Variants in CDH4 observed in about 807,000 individuals in gnomAD.
CDH4 encodes cadherin 4, also known as cadherin-4.
Under a neutral mutation model 86.0 loss-of-function variants are expected in CDH4, and 33 were observed. The observed-to-expected ratio is 0.38, with a 90% confidence interval of 0.29 to 0.51. The LOEUF (loss-of-function observed/expected upper bound fraction) is 0.51. Among genes scored for constraint, CDH4 ranks in the 20% least tolerant of loss-of-function variants. CDH4 has a pLI of 0.86. For synonymous variants in CDH4, 555 were observed against 549.4 expected, an observed-to-expected ratio of 1.01 and a Z score of -0.14; for missense variants, 1,114 against 1,307.4, an observed-to-expected ratio of 0.85 and a Z score of 2.28.
intron 2 of CDH4, chr20:61,738,617 T>TG (rs1056645319): frequency 6.6e-6 from 1 of 152,336 alleles, no homozygotes; most frequent in African/African-American, 2.4e-5. Context: ...AGGCACGGCC[T>TG]GGGGTCCAGT....
At chr20:61,416,969 C>T (rs60560959) in intron 2 of CDH4, among the ~76,000 whole-genome samples, 1 of 152,042 alleles carries the variant, frequency 6.6e-6, no homozygotes, top group East Asian at 1.9e-4. Flanking sequence ...GGGGGTTCTT[C>T]CAATTGCTGG....
chr20:61,462,042 G>C (rs377049785), intron 2 of CDH4, among the ~76,000 whole-genome samples: 1 of 152,164 alleles, frequency 6.6e-6, no homozygotes, highest in Non-Finnish European at 1.5e-5. Flanking sequence ...CGGCAGTAAG[G>C]CTTCTTGACA....
chr20:61,332,097 C>T (rs948268339), intron 2 of CDH4, among the ~76,000 whole-genome samples: 9 of 152,178 alleles, frequency 5.9e-5, no homozygotes, highest in African/African-American at 1.9e-4. Flanking sequence ...CACAGACACT[C>T]GACAGCGATG....
At chr20:61,313,215 C>G (rs919200621) in intron 2 of CDH4, among the ~76,000 whole-genome samples, 2 of 152,134 alleles carry the variant, frequency 1.3e-5, no homozygotes, top group South Asian at 4.1e-4. Context: ...TGGCTTAGCC[C>G]GAGTGTCTGA....
chr20:61,538,340 C>G (rs2086013464), intron 2 of CDH4, among the ~76,000 whole-genome samples: 1 of 152,138 alleles, frequency 6.6e-6, no homozygotes. Context: ...GGCTGGTGCA[C>G]CAGAGATTGG....
At chr20:61,445,982 A>G (rs895633043) in intron 2 of CDH4, among the ~76,000 whole-genome samples, 1 of 152,222 alleles carries the variant, frequency 6.6e-6, no homozygotes, top group African/African-American at 2.4e-5. Flanking sequence ...GCAGTTGGTT[A>G]CAGTGTAGCA....
Position 61,684,872 on chromosome 20 carries a change from ACT to A in CDH4, c.170-58688_170-58687del, listed in dbSNP as rs1010553447. On this transcript the variant is annotated intron_variant, in intron 2 of 15. Coordinates refer to ENST00000614565, the MANE Select transcript of CDH4 (RefSeq NM_001794.5). The surrounding 1 kb of genome is among the most constrained non-coding windows in gnomAD (Gnocchi z 4.5). ...ACAATTCATCTGTAAATATTTGCTC[ACT>A]CTATTTCTAACCACGTTATTAAGAT... is the stretch of plus-strand genomic sequence containing the variant. 8.6e-5 allele frequency among the ~76,000 whole-genome samples: 13 copies of A among 151,924 alleles called. No homozygotes were observed. The highest frequency in any genetic ancestry group is 1.9e-4 in the Non-Finnish European group (13 of 67,960).
chr20:61,634,106 T>C (rs962544811), intron 2 of CDH4, among the ~76,000 whole-genome samples: 1 of 152,164 alleles, frequency 6.6e-6, no homozygotes, highest in Non-Finnish European at 1.5e-5. Context: ...ATTTACCTGA[T>C]CCAACTCAGT....
chr20:61,853,839 G>T (rs912490095), intron 6 of CDH4, among the ~76,000 whole-genome samples: 3 of 152,134 alleles, frequency 2.0e-5, no homozygotes, highest in Non-Finnish European at 1.5e-5. Context: ...GGTGGAGAGG[G>T]GTCCTCTTTG....
chr20:61,604,155 C>T (rs769191401), intron 2 of CDH4, among the ~76,000 whole-genome samples: 5 of 152,182 alleles, frequency 3.3e-5, no homozygotes, highest in South Asian at 2.1e-4. Flanking sequence ...GTTTCCTTCC[C>T]GATTAGCTTT....
intron 2 of CDH4, among the ~76,000 whole-genome samples, chr20:61,302,861 C>A (rs2084393528): frequency 6.6e-6 from 1 of 152,174 alleles, no homozygotes; most frequent in Admixed American, 6.5e-5. Context: ...CCCAAGGTCC[C>A]TTCCAAAAGG....
At chr20:61,692,237 ATGTATGTGTG>A (rs71988080) in intron 2 of CDH4, among the ~76,000 whole-genome samples, 28,776 of 149,968 alleles carry the variant, frequency 0.19, 3,060 homozygotes, top group Admixed American at 0.27. Flanking sequence ...ATGTGTGTGT[ATGTATGTGTG>A]TGTATGTGTG....
chr20:61,569,909 G>A (rs1026956792), intron 2 of CDH4, among the ~76,000 whole-genome samples: 2 of 152,178 alleles, frequency 1.3e-5, no homozygotes, highest in Non-Finnish European at 2.9e-5. Context: ...ATTTTCATCA[G>A]TGTTATCATT....
At chr20:61,451,310 G>A (rs989358598) in intron 2 of CDH4, among the ~76,000 whole-genome samples, 3 of 152,132 alleles carry the variant, frequency 2.0e-5, no homozygotes, top group Non-Finnish European at 4.4e-5. Flanking sequence ...GAGCATGTGC[G>A]TCTCAGCTGC....
intron 2 of CDH4, among the ~76,000 whole-genome samples, chr20:61,362,746 CAG>C (rs2084790964): frequency 6.6e-6 from 1 of 152,082 alleles, no homozygotes; most frequent in African/African-American, 2.4e-5. Flanking sequence ...CTCCCCGAGA[CAG>C]GGGCACCTGA....
chr20:61,663,199 C>T lies in CDH4; in HGVS notation c.170-80364C>T, dbSNP rs2087280735. 6.6e-6 allele frequency among the ~76,000 whole-genome samples: 1 copy of T among 152,204 alleles called. No homozygotes were observed. The highest frequency in any genetic ancestry group is 2.4e-5 in the African/African-American group (1 of 41,448). The stretch of plus-strand genomic sequence containing the variant: ...GAGTGTCCACGCCTCCGTGTGTGGA[C>T]TGATGAGGTAAACGTTCTGTGACAA... On this transcript the variant is annotated intron_variant, in intron 2 of 15. Coordinates refer to ENST00000614565, the MANE Select transcript of CDH4 (RefSeq NM_001794.5). The surrounding 1 kb of genome is among the most constrained non-coding windows in gnomAD (Gnocchi z 5.0).
rs142264036 is a variant in CDH4, at chr20:61,283,479, GTGT to G, written c.169+28543_169+28545del. ...TGTGCGTTTGCACGCGTGTGCTGTG[GTGT>G]GTGATGTAGGTGCATTTGCACGCGT... On this transcript the variant is annotated intron_variant, in intron 2 of 15. Transcript: ENST00000614565. Among the ~76,000 whole-genome samples, 75 of 42,522 alleles carry G rather than the reference GTGT, an allele frequency of 1.8e-3. 8 individuals carry two copies. The highest frequency in any genetic ancestry group is 4.4e-3 in the African/African-American group (69 of 15,806). 27.9% of individuals were successfully genotyped at this position (42,522 alleles called of 152,430 possible).
At position 61,934,052 on chromosome 20, in the gene CDH4, C is replaced by A; in HGVS notation, c.2380-4C>A. On this transcript the variant is annotated splice_polypyrimidine_tract_variant and splice_region_variant and intron_variant, in intron 14 of 15. Coordinates refer to ENST00000614565, the MANE Select transcript of CDH4 (RefSeq NM_001794.5). ...CCCTGACTCCTCCCGGCTCCCTCCC[C>A]CAGGACTACGACCTCAGCCAGCTGC... is the stretch of plus-strand genomic sequence containing the variant. 2.5e-6 allele frequency: 4 copies of A among 1,610,786 alleles called. No homozygotes were observed. Among genetic ancestry groups the A allele is most frequent in the Non-Finnish European group, 3.4e-6 (4 of 1,179,774 alleles).
At chr20:61,331,552 C>A (rs891909734) in intron 2 of CDH4, among the ~76,000 whole-genome samples, 2 of 151,768 alleles carry the variant, frequency 1.3e-5, no homozygotes, top group East Asian at 3.9e-4. Context: ...CAGGTCTCAG[C>A]TCAAACCCCA....
Sources: gnomAD v4.1 joint callset for allele counts (sites outside exome capture counted in the v4.1 genomes callset) on GRCh38, gnomAD v4.1.1 for gene constraint, Gnocchi (gnomAD v3.1) non-coding constraint, MANE v1.5 for transcripts, NCBI Gene and HGNC (gene_info 2026-07-23, HGNC 2026-07-21) for gene names.